The following MAF variants were observed in gnomAD, a reference collection of about 807,000 sequenced individuals.
MAF encodes transcription factor Maf.
Under a neutral mutation model 22.0 loss-of-function variants are expected in MAF, and 10 were observed. That is an observed-to-expected ratio of 0.45 (90% confidence interval 0.28 to 0.77). The LOEUF is 0.77. MAF is among the 30% of genes least tolerant of loss of function. The pLI, the probability that MAF is intolerant of heterozygous loss-of-function variation, is 0.12. For synonymous variants in MAF, 337 were observed against 255.8 expected (o/e 1.32, Z -3.03); for missense variants, 544 against 548.4 (o/e 0.99, Z 0.08).
the MAF span, among the ~76,000 whole-genome samples, chr16:79,327,489 T>C: frequency 6.6e-6 from 1 of 152,188 alleles, no homozygotes; most frequent in Non-Finnish European, 1.5e-5. Flanking sequence ...CATGAGTTAT[T>C]ATAAGACAAG....
chr16:79,529,688 C>A, the MAF span, among the ~76,000 whole-genome samples: 4 of 152,118 alleles, frequency 2.6e-5, no homozygotes, highest in African/African-American at 9.7e-5. Context: ...AGGCTGGGCG[C>A]GGTGGCTCAC....
chr16:79,285,727 C>T, the MAF span, among the ~76,000 whole-genome samples: 4 of 152,182 alleles, frequency 2.6e-5, no homozygotes, highest in African/African-American at 9.6e-5. Flanking sequence ...GAGGGCACCG[C>T]AGGACTCACC....
At chr16:79,581,543 A>G (rs866616559), downstream of MAF, among the ~76,000 whole-genome samples, 9 of 152,170 alleles carry the variant, frequency 5.9e-5, no homozygotes, top group South Asian at 2.1e-4. Flanking sequence ...GAGCGACCTC[A>G]GGGTCAATTT....
At chr16:79,333,692 T>G in the MAF span, among the ~76,000 whole-genome samples, 2 of 152,238 alleles carry the variant, frequency 1.3e-5, no homozygotes, top group Non-Finnish European at 2.9e-5. Context: ...ACATCTCTCC[T>G]GGATCTAGTG....
the MAF span, among the ~76,000 whole-genome samples, chr16:79,320,857 C>T: frequency 1.1e-4 from 17 of 152,152 alleles, no homozygotes; most frequent in African/African-American, 3.9e-4. Flanking sequence ...TGAATCCTCA[C>T]GAGAACCCCA....
At chr16:79,479,865 CA>C in the MAF span, among the ~76,000 whole-genome samples, 1 of 152,158 alleles carries the variant, frequency 6.6e-6, no homozygotes, top group African/African-American at 2.4e-5. Flanking sequence ...GGTCAAATCA[CA>C]GGGTTAATTA....
the MAF span, among the ~76,000 whole-genome samples, chr16:79,431,814 G>C: frequency 6.6e-6 from 1 of 152,182 alleles, no homozygotes; most frequent in Non-Finnish European, 1.5e-5. Flanking sequence ...GATCCTGAGA[G>C]GGAATCACAA....
chr16:79,473,183 C>G, the MAF span, among the ~76,000 whole-genome samples: 1 of 152,110 alleles, frequency 6.6e-6, no homozygotes, highest in Non-Finnish European at 1.5e-5. Context: ...GTGGGAGGAA[C>G]AGCCACAGGC....
At chr16:79,560,317 C>T in the MAF span, among the ~76,000 whole-genome samples, 94 of 151,678 alleles carry the variant, frequency 6.2e-4, 1 homozygote, top group East Asian at 0.014. Flanking sequence ...GAGATGAACG[C>T]GAAGAGACAG....
the MAF span, among the ~76,000 whole-genome samples, chr16:79,511,824 G>A: frequency 6.6e-6 from 1 of 152,124 alleles, no homozygotes; most frequent in Non-Finnish European, 1.5e-5. Flanking sequence ...ACCAACATTG[G>A]AATTCATCTC....
At chr16:79,563,265 C>T in the MAF span, among the ~76,000 whole-genome samples, 4 of 152,196 alleles carry the variant, frequency 2.6e-5, no homozygotes, top group African/African-American at 4.8e-5. Context: ...ATGTGACAGC[C>T]GCTGCCCATG....
At chr16:79,415,792 T>C in the MAF span, among the ~76,000 whole-genome samples, 1 of 151,892 alleles carries the variant, frequency 6.6e-6, no homozygotes, top group East Asian at 1.9e-4. Flanking sequence ...GGGCTAGTTA[T>C]TAAAAATCCC....
chr16:79,536,623 T>C, the MAF span, among the ~76,000 whole-genome samples: 3 of 152,136 alleles, frequency 2.0e-5, no homozygotes, highest in Admixed American at 1.3e-4. Context: ...GCCTGGGCCA[T>C]GGTGCTAGAC....
At chr16:79,407,028 C>T in the MAF span, among the ~76,000 whole-genome samples, 1 of 152,304 alleles carries the variant, frequency 6.6e-6, no homozygotes, top group African/African-American at 2.4e-5. Context: ...GAAAGAAGCA[C>T]CTAACTTCTC....
the MAF span, among the ~76,000 whole-genome samples, chr16:79,505,087 A>C: frequency 1.3e-5 from 2 of 152,216 alleles, no homozygotes; most frequent in East Asian, 3.9e-4. Context: ...CTACGTTTTC[A>C]AACACAGATC....
chr16:79,334,106 A>G, the MAF span, among the ~76,000 whole-genome samples: 824 of 152,364 alleles, frequency 5.4e-3, 4 homozygotes, highest in Middle Eastern at 0.014. Flanking sequence ...GCACATGCTC[A>G]AGAGAAGTAA....
At chr16:79,525,381 C>A in the MAF span, among the ~76,000 whole-genome samples, 6 of 152,150 alleles carry the variant, frequency 3.9e-5, no homozygotes, top group Non-Finnish European at 8.8e-5. Flanking sequence ...CACGGCCATG[C>A]GCTCGGAGGG....
the MAF span, among the ~76,000 whole-genome samples, chr16:79,379,015 G>C: frequency 3.3e-5 from 5 of 152,176 alleles, no homozygotes; most frequent in Admixed American, 6.5e-5. Context: ...CCATTATTCT[G>C]ATTTTGTGCC....
At chr16:79,313,790 A>C in the MAF span, among the ~76,000 whole-genome samples, 61 of 152,270 alleles carry the variant, frequency 4.0e-4, no homozygotes, top group African/African-American at 1.4e-3. Flanking sequence ...TCAGGTTTCC[A>C]GCCAATAGAT....
Sources: gnomAD v4.1 joint callset for allele counts (sites outside exome capture counted in the v4.1 genomes callset) on GRCh38, gnomAD v4.1.1 for gene constraint, MANE v1.5 for transcripts, NCBI Gene and HGNC (gene_info 2026-07-23, HGNC 2026-07-21) for gene names.